ANKIB1: variants seen among roughly 807,000 people sequenced by gnomAD.
ANKIB1 encodes ankyrin repeat and IBR domain containing 1.
In ANKIB1, 43 loss-of-function variants were observed where a neutral mutation model predicts 122.1. The ratio of observed to expected loss-of-function variants is 0.35; its 90% CI spans 0.28 to 0.45. ANKIB1 has a LOEUF of 0.45. Ranked by LOEUF, ANKIB1 falls within the 20% of genes least tolerant of loss-of-function variation. The pLI is 1.00. For missense variants in ANKIB1, 992 were observed against 1,329.5 expected (o/e 0.75, Z 3.95); for synonymous variants, 390 against 442.0 (o/e 0.88, Z 1.48).
chr7:92,254,381 A>G (rs1801394401), intron 1 of ANKIB1, among the ~76,000 whole-genome samples: 2 of 152,202 alleles, frequency 1.3e-5, no homozygotes, highest in South Asian at 2.1e-4. Context: ...TGTGCATAGT[A>G]TATACCAATT....
chr7:92,333,293 G>A (rs185027092), intron 5 of ANKIB1, among the ~76,000 whole-genome samples: 1 of 152,204 alleles, frequency 6.6e-6, no homozygotes, highest in East Asian at 1.9e-4. Context: ...CTGAGCCCCT[G>A]CCTGTTTCTC....
At chr7:92,278,925 AAACAC>A (rs1801959985) in intron 1 of ANKIB1, among the ~76,000 whole-genome samples, 2 of 152,202 alleles carry the variant, frequency 1.3e-5, no homozygotes, top group African/African-American at 2.4e-5. Flanking sequence ...CAAGAAACCC[AAACAC>A]AAGGCAAAAG....
chr7:92,288,487 G>A (rs561093639), intron 1 of ANKIB1, among the ~76,000 whole-genome samples: 2 of 152,238 alleles, frequency 1.3e-5, no homozygotes, highest in East Asian at 1.9e-4. Flanking sequence ...CAGTCAATTG[G>A]CTTTTTACAA....
At chr7:92,293,182 A>G (rs1161154175) in intron 1 of ANKIB1, among the ~76,000 whole-genome samples, 1 of 152,158 alleles carries the variant, frequency 6.6e-6, no homozygotes, top group Non-Finnish European at 1.5e-5. Flanking sequence ...AGGAGCTTAA[A>G]TACCCGTGCC....
chr7:92,258,157 G>C (rs527994558), intron 1 of ANKIB1, among the ~76,000 whole-genome samples: 1 of 152,336 alleles, frequency 6.6e-6, no homozygotes, highest in South Asian at 2.1e-4. Context: ...TGGTATTATA[G>C]GATGAGGAGA....
chr7:92,311,724 C>CA (rs1562778697), intron 3 of ANKIB1, among the ~76,000 whole-genome samples: 1 of 149,994 alleles, frequency 6.7e-6, no homozygotes, highest in East Asian at 2.0e-4. Flanking sequence ...AGCGCCCCCC[C>CA]CACACACACA....
At chr7:92,317,371 C>A (rs1015667121) in intron 3 of ANKIB1, among the ~76,000 whole-genome samples, 1 of 152,060 alleles carries the variant, frequency 6.6e-6, no homozygotes, top group Non-Finnish European at 1.5e-5. Flanking sequence ...CCAGGAGATA[C>A]TACTGGTCCC....
rs984709568 is a variant in ANKIB1 at position 92,339,681 on chromosome 7, A to G, written c.788-3343A>G. ...TAAATAAGTTTACAGTTTGAAAGAC[A>G]TTGCATTTTGTCACAGTTCTTTTAA... On this transcript the variant is annotated intron_variant, in intron 5 of 19. Transcript: ENST00000265742. 3.9e-5 allele frequency among the ~76,000 whole-genome samples: 6 copies of G among 152,282 alleles called. No individual in the cohort carries two copies. The East Asian group carries it at 1.2e-3, about 29-fold the overall frequency.
chr7:92,373,923 A>AAT (rs1804326517), intron 11 of ANKIB1, among the ~76,000 whole-genome samples: 1 of 152,216 alleles, frequency 6.6e-6, no homozygotes, highest in Non-Finnish European at 1.5e-5. Context: ...AATCATGTAT[A>AAT]GTATCTGATT....
chr7:92,317,844 C>T (rs1035762486), intron 3 of ANKIB1, among the ~76,000 whole-genome samples: 2 of 152,232 alleles, frequency 1.3e-5, no homozygotes, highest in Middle Eastern at 3.4e-3. Flanking sequence ...AAGAAGCTAC[C>T]ATTTTGATCA....
At chr7:92,279,612 T>G (rs1801977720) in intron 1 of ANKIB1, among the ~76,000 whole-genome samples, 1 of 152,182 alleles carries the variant, frequency 6.6e-6, no homozygotes, top group Non-Finnish European at 1.5e-5. Context: ...TGTTCCTGCT[T>G]TTAGTTCAGC....
intron 4 of ANKIB1, among the ~76,000 whole-genome samples, chr7:92,320,278 C>T (rs1802879061): frequency 6.6e-6 from 1 of 152,180 alleles, no homozygotes; most frequent in African/African-American, 2.4e-5. Context: ...TCCTCACTTT[C>T]CATTCACTCT....
intron 10 of ANKIB1, among the ~76,000 whole-genome samples, chr7:92,368,545 C>G (rs573930212): frequency 6.6e-6 from 1 of 151,758 alleles, no homozygotes; most frequent in African/African-American, 2.4e-5. Flanking sequence ...GGTGAAACCC[C>G]GTCTCTACTA....
intron 7 of ANKIB1, among the ~76,000 whole-genome samples, chr7:92,350,207 A>G (rs1803629004): frequency 6.6e-6 from 1 of 152,078 alleles, no homozygotes; most frequent in Non-Finnish European, 1.5e-5. Context: ...TCAAAAAACT[A>G]TGCTATATTT....
At chr7:92,391,054 A>G (rs1382395892) in intron 15 of ANKIB1, 112 bp from the exon 16 acceptor site, 4 of 792,778 alleles carry the variant, frequency 5.0e-6, no homozygotes, top group African/African-American at 1.8e-5. Context: ...AATTTTAACT[A>G]GTTTCTTACT....
rs983010038 is a variant in ANKIB1, at chr7:92,400,590, T to C, written c.*1641T>C. The C allele has an allele frequency of 1.3e-5, 2 of 152,186 alleles. No homozygotes were observed. The highest frequency in any genetic ancestry group is 2.9e-5 in the Non-Finnish European group (2 of 68,026). The allele number at this position is 152,186 out of a possible 1,614,324, so 9.4% of individuals were successfully genotyped here. On this transcript the variant is annotated 3_prime_UTR_variant, in exon 20 of 20. Transcript: ENST00000265742. ...GTGATTATGGGTTTTGATTACTTTT[T>C]TTTTTTCCAAACCCTGCTTTTGAAA...
rs779347579 is a variant in ANKIB1, at chr7:92,391,341, G to A, written c.2228G>A (p.Arg743His). The change falls in exon 16 of 20, where the codon CGC (arginine) becomes CAC (histidine). Residue 743 changes from arginine (R) to histidine (H), a missense_variant. Physicochemically the swap from Arg to His is conservative, Grantham distance 29. Around this residue, in one of 4 missense-constraint regions of ANKIB1, gnomAD observed 521 missense variants for 777.7 expected, o/e 0.67. Coordinates refer to ENST00000265742, the MANE Select transcript of ANKIB1 (RefSeq NM_019004.2). ...GCAGACTCACCAGAAGCTCCAAGGC[G>A]CAGGTAAAAAGGACGTACACTGTGG... ...APADSPEAPR[R>H]SFAGGTWDWE... The A allele has an allele frequency of 1.6e-5, 25 of 1,609,802 alleles. No homozygotes were observed. Among genetic ancestry groups the A allele is most frequent in the East Asian group, 6.7e-5 (3 of 44,756 alleles).
chr7:92,263,304 T>G (rs1436814487), intron 1 of ANKIB1, among the ~76,000 whole-genome samples: 1 of 152,236 alleles, frequency 6.6e-6, no homozygotes, highest in African/African-American at 2.4e-5. Context: ...AATCCATTGG[T>G]TAACATTTTG....
chr7:92,248,949 G>A (rs1801262442), intron 1 of ANKIB1, among the ~76,000 whole-genome samples: 1 of 138,864 alleles, frequency 7.2e-6, no homozygotes, highest in South Asian at 2.2e-4. Flanking sequence ...GTGCAGTGGT[G>A]TGATCTTAGC....
Sources: allele counts gnomAD v4.1 joint callset (sites outside exome capture counted in the v4.1 genomes callset), GRCh38; gene constraint gnomAD v4.1.1; regional missense constraint gnomAD v4.1.1; transcripts MANE v1.5; gene names NCBI Gene and HGNC (gene_info 2026-07-23, HGNC 2026-07-21).